Variants in GOLM1 observed in about 807,000 individuals in gnomAD.
The protein encoded by GOLM1 is golgi membrane protein 1, also known as epididymis luminal protein 46.
Under a neutral mutation model 50.5 loss-of-function variants are expected in GOLM1, and 31 were observed. That is an observed-to-expected ratio of 0.61 (90% CI 0.46 to 0.83). GOLM1 has a LOEUF of 0.83. Among genes scored for constraint, GOLM1 ranks in the 40% least tolerant of loss-of-function variants. The pLI is 0.00. For synonymous variants in GOLM1, 178 were observed against 192.8 expected, an observed-to-expected ratio of 0.92 and a Z score of 0.64; for missense variants, 491 against 501.3, an observed-to-expected ratio of 0.98 and a Z score of 0.20.
At chr9:86,079,904 C>G (rs1280675187) in intron 1 of GOLM1, 1 of 151,632 alleles carries the variant, frequency 6.6e-6, no homozygotes, top group East Asian at 1.9e-4. Context: ...TAAAGCATTT[C>G]TCAAGCAAAG....
At chr9:86,047,566 G>A (rs951697992) in intron 4 of GOLM1, among the ~76,000 whole-genome samples, 2 of 152,024 alleles carry the variant, frequency 1.3e-5, no homozygotes, top group Non-Finnish European at 2.9e-5. Flanking sequence ...ATGGGTGGGG[G>A]GTCCTGGAGC....
intron 7 of GOLM1, 77 bp from the exon 8 acceptor site, chr9:86,035,702 T>TGGTGCCACTCAATTCCC: frequency 8.1e-7 from 1 of 1,231,770 alleles, no homozygotes; most frequent in Non-Finnish European, 1.1e-6. Flanking sequence ...AAGCAAAACC[T>TGGTGCCACTCAATTCCC]GGTGCCACTC....
chr9:86,072,559 A>G (rs939381695), intron 3 of GOLM1, among the ~76,000 whole-genome samples: 1 of 152,350 alleles, frequency 6.6e-6, no homozygotes, highest in Admixed American at 6.5e-5. Flanking sequence ...TAAGTTTCCA[A>G]TCTGGCACAG....
At chr9:86,048,438 G>C (rs959604932) in intron 4 of GOLM1, among the ~76,000 whole-genome samples, 1 of 152,158 alleles carries the variant, frequency 6.6e-6, no homozygotes, top group East Asian at 1.9e-4. Context: ...AGATCCTTGA[G>C]GAATCGCCAC....
In GOLM1 at chr9:86,066,709, G is replaced by A. The variant is rs1050693191; in HGVS notation, c.309+10703C>T. Among the ~76,000 whole-genome samples the A allele has an allele frequency of 2.0e-5, 3 of 152,310 alleles. No homozygotes were observed. In the East Asian group the frequency reaches 5.8e-4, roughly 29 times the overall value. Reference sequence around the variant, plus strand: ...GCAAATGCTGAAAATGAAGCTATTTGTGACTGAACTTTTGGCAAGCAAAAA... The same window carrying A: ...GCAAATGCTGAAAATGAAGCTATTTATGACTGAACTTTTGGCAAGCAAAAA... On this transcript the variant is annotated intron_variant, in intron 3 of 9. Coordinates refer to ENST00000388712, the MANE Select transcript of GOLM1 (RefSeq NM_016548.4).
Position 86,077,343 on chromosome 9 carries a change from C to A in GOLM1, c.309+69G>T, listed in dbSNP as rs1008040076. ...CCCAGCCGCTTGCTCATCCTCCCGC[C>A]AAGAAGAAACAGACAATGTAGACAC... is the stretch of plus-strand genomic sequence containing the variant. On this transcript the variant is annotated intron_variant, in intron 3 of 9. Transcript: ENST00000388712. 1.1e-5 allele frequency: 14 copies of A among 1,294,676 alleles called. No individual in the cohort carries two copies. The African/African-American group carries it at 1.9e-4, about 18-fold the overall frequency. 80.2% of individuals were successfully genotyped at this position (1,294,676 alleles called of 1,614,324 possible). A position where few individuals can be genotyped will look rare whatever the true frequency, so the allele number is the denominator to read the frequency against.
intron 5 of GOLM1, among the ~76,000 whole-genome samples, chr9:86,045,651 G>A (rs1199800195): frequency 6.6e-6 from 1 of 151,076 alleles, no homozygotes; most frequent in Non-Finnish European, 1.5e-5. Flanking sequence ...CTCCAGCATG[G>A]GGGACAGCGA....
chr9:86,045,052 G>A (rs1833490804), intron 5 of GOLM1, among the ~76,000 whole-genome samples: 1 of 152,138 alleles, frequency 6.6e-6, no homozygotes, highest in Non-Finnish European at 1.5e-5. Context: ...ATCATCGCAT[G>A]TCTATCTAAT....
At chr9:86,042,538 C>G (rs7874028) in intron 5 of GOLM1, among the ~76,000 whole-genome samples, 1 of 152,036 alleles carries the variant, frequency 6.6e-6, no homozygotes. Flanking sequence ...AATGCAGTGC[C>G]GAGTTCCTGA....
chr9:86,082,770 T>G (rs1283788257), intron 1 of GOLM1, among the ~76,000 whole-genome samples: 1 of 152,212 alleles, frequency 6.6e-6, no homozygotes, highest in Non-Finnish European at 1.5e-5. Flanking sequence ...TCAATGGGGT[T>G]TAGGGCAAGG....
Position 86,093,031 on chromosome 9 carries a change from G to A in GOLM1, c.-22+6380C>T, listed in dbSNP as rs1447623603. Among the ~76,000 whole-genome samples, 9 of 152,302 alleles carry A rather than the reference G, an allele frequency of 5.9e-5. No homozygotes were observed. The South Asian group carries it at 6.2e-4, about 11-fold the overall frequency. ...TTAACTTAAATCAGCTAAACTCTGT[G>A]AGGCTCCAGGCTTTCCCAAAATTAA... On this transcript the variant is annotated intron_variant, in intron 1 of 9. Coordinates refer to ENST00000388712, the MANE Select transcript of GOLM1 (RefSeq NM_016548.4).
intron 1 of GOLM1, chr9:86,079,940 G>A (rs1834738551): frequency 9.1e-6 from 1 of 109,322 alleles, no homozygotes; most frequent in Non-Finnish European, 2.3e-5. Context: ...GGAGGTGAAT[G>A]TGAACTCCCC....
At position 86,027,783 on chromosome 9, in the gene GOLM1, G is replaced by T. The variant is rs368833577; in HGVS notation, c.*34C>A. On this transcript the variant is annotated 3_prime_UTR_variant, in exon 10 of 10. Transcript: ENST00000388712. ...ATGAACATTTTATAGTCATCTCTTCGGCCCTGTTGTGAAATATGTGATTCC... is the reference window on the plus strand; with the variant it reads ...ATGAACATTTTATAGTCATCTCTTCTGCCCTGTTGTGAAATATGTGATTCC... The T allele has an allele frequency of 6.2e-7, 1 of 1,604,476 alleles. No homozygotes were observed. The highest frequency in any genetic ancestry group is 1.7e-5 in the Admixed American group (1 of 58,658).
chr9:86,027,132 A>G lies in GOLM1; in HGVS notation c.*685T>C. 2.0e-6 allele frequency: 2 copies of G among 982,584 alleles called. No homozygotes were observed. The highest frequency in any genetic ancestry group is 2.4e-6 in the Non-Finnish European group (2 of 828,958). The allele number at this position is 982,584 out of a possible 1,614,324, so 60.9% of individuals were successfully genotyped here. On this transcript the variant is annotated 3_prime_UTR_variant, in exon 10 of 10. Transcript: ENST00000388712. The stretch of plus-strand genomic sequence containing the variant: ...ACACGAAGCAAAGTAAATAAAGACC[A>G]CAAATGTTCAAATTCTAAGCCACTT...
rs1833092229 is a variant in GOLM1 at position 86,035,092 on chromosome 9, CT to C, written c.1015+275del. 3.0e-6 allele frequency: 3 copies of C among 985,232 alleles called. No individual in the cohort carries two copies. The South Asian group carries it at 1.4e-4, about 46-fold the overall frequency. 61.0% of individuals were successfully genotyped at this position (985,232 alleles called of 1,614,324 possible). A position where few individuals can be genotyped will look rare whatever the true frequency, so the allele number is the denominator to read the frequency against. ...GCCAGGAGGGGGCGTCCACTTGATG[CT>C]AAGCACCCATCTGCAGGCCATCCAC... On this transcript the variant is annotated intron_variant, in intron 8 of 9. Coordinates refer to ENST00000388712, the MANE Select transcript of GOLM1 (RefSeq NM_016548.4).
Position 86,026,180 on chromosome 9 carries a change from C to T in GOLM1, c.*1637G>A, listed in dbSNP as rs1396521768. On this transcript the variant is annotated 3_prime_UTR_variant, in exon 10 of 10. Coordinates refer to ENST00000388712, the MANE Select transcript of GOLM1 (RefSeq NM_016548.4). ...CAGAACATTTTATTTCTCAGCAATT[C>T]TATGCGTACAAATTAAACATGAGAT... The T allele has an allele frequency of 1.0e-6, 1 of 982,920 alleles. No homozygotes were observed. The highest frequency in any genetic ancestry group is 6.1e-5 in the Admixed American group (1 of 16,262). The allele number at this position is 982,920 out of a possible 1,614,324, so 60.9% of individuals were successfully genotyped here.
chr9:86,070,619 A>G (rs1243698680), intron 3 of GOLM1, among the ~76,000 whole-genome samples: 1 of 152,086 alleles, frequency 6.6e-6, no homozygotes, highest in Non-Finnish European at 1.5e-5. Flanking sequence ...TATGTGAGGG[A>G]ATCTCATCTT....
At chr9:86,094,834 A>G (rs1835305888) in intron 1 of GOLM1, among the ~76,000 whole-genome samples, 1 of 152,234 alleles carries the variant, frequency 6.6e-6, no homozygotes. Context: ...CTGTAATCCC[A>G]GCACTTTGGG....
chr9:86,034,042 G>A (rs1463510584), intron 8 of GOLM1, among the ~76,000 whole-genome samples: 1 of 148,684 alleles, frequency 6.7e-6, no homozygotes, highest in Non-Finnish European at 1.5e-5. Flanking sequence ...TCGGCTCACT[G>A]CAACCTCCGC....
Sources: allele counts gnomAD v4.1 joint callset (sites outside exome capture counted in the v4.1 genomes callset), GRCh38; gene constraint gnomAD v4.1.1; transcripts MANE v1.5; gene names NCBI Gene and HGNC (gene_info 2026-07-23, HGNC 2026-07-21).